The following ZNF704 variants were observed in gnomAD, a reference collection of about 807,000 sequenced individuals.
ZNF704 encodes zinc finger protein 704, also known as glucocorticoid induced gene 1.
Under a neutral mutation model 44.7 loss-of-function variants are expected in ZNF704, and 10 were observed. The observed-to-expected ratio is 0.22, with a 90% CI of 0.14 to 0.38. The LOEUF is 0.38. ZNF704 is among the 10% of genes least tolerant of loss of function. The pLI is 1.00. For missense variants in ZNF704, 390 were observed against 545.5 expected, an observed-to-expected ratio of 0.71 and a Z score of 2.84; for synonymous variants, 211 against 207.6, an observed-to-expected ratio of 1.02 and a Z score of -0.14.
At position 80,631,792 on chromosome 8, in the gene ZNF704, G is replaced by C. The variant is rs553400625; in HGVS notation, c.*9574C>G. ...TCACCTAAAACCGTTCAGACAGATG[G>C]AATATTTCCCCCGAAGGGAGGGAAT... On this transcript the variant is annotated 3_prime_UTR_variant, in exon 9 of 9. Coordinates refer to ENST00000327835, the MANE Select transcript of ZNF704 (RefSeq NM_001033723.3). 1 of 152,346 alleles carries C rather than the reference G, an allele frequency of 6.6e-6. No individual in the cohort carries two copies. The highest frequency in any genetic ancestry group is 2.4e-5 in the African/African-American group (1 of 41,572). The allele number at this position is 152,346 out of a possible 1,614,324, so 9.4% of individuals were successfully genotyped here.
At chr8:80,877,149 TG>T (rs1385011617), upstream of ZNF704, among the ~76,000 whole-genome samples, 1 of 129,058 alleles carries the variant, frequency 7.7e-6, no homozygotes, top group Non-Finnish European at 1.5e-5. Flanking sequence ...ATCCATTCCC[TG>T]GCCCCACATT....
chr8:80,771,906 T>C lies in ZNF704; in HGVS notation c.221+49468A>G, dbSNP rs1295456854. Among the ~76,000 whole-genome samples the C allele has an allele frequency of 2.0e-5, 3 of 152,230 alleles. 1 individual carries two copies. The highest frequency in any genetic ancestry group is 4.4e-5 in the Non-Finnish European group (3 of 68,036). On this transcript the variant is annotated intron_variant, in intron 2 of 8. Coordinates refer to ENST00000327835, the MANE Select transcript of ZNF704 (RefSeq NM_001033723.3). ...TTTTATCATGAATGGGTGTTGAATT[T>C]TGTCAAATGCTTTTCTGCAGTGATT... is the stretch of plus-strand genomic sequence containing the variant.
At position 80,640,472 on chromosome 8, in the gene ZNF704, A is replaced by T. The variant is rs781123350; in HGVS notation, c.*894T>A. The T allele has an allele frequency of 2.0e-5, 3 of 152,508 alleles. No homozygotes were observed. The highest frequency in any genetic ancestry group is 1.5e-5 in the Non-Finnish European group (1 of 68,032). The allele number at this position is 152,508 out of a possible 1,614,324, so 9.4% of individuals were successfully genotyped here. On this transcript the variant is annotated 3_prime_UTR_variant, in exon 9 of 9. Transcript: ENST00000327835. The stretch of plus-strand genomic sequence containing the variant: ...AATCTTGACAGACAAGCAGTAACAA[A>T]TAGCTCCGAGTTGCCATTTGTGTCA...
chr8:80,859,018 ACCAATT>A (rs1809014246), intron 1 of ZNF704, among the ~76,000 whole-genome samples: 2 of 152,202 alleles, frequency 1.3e-5, no homozygotes, highest in African/African-American at 4.8e-5. Context: ...ACTTTTTGTT[ACCAATT>A]CCATCAATAA....
chr8:80,651,493 CAA>C (rs1170243625), intron 7 of ZNF704, among the ~76,000 whole-genome samples: 5 of 151,700 alleles, frequency 3.3e-5, no homozygotes, highest in Non-Finnish European at 7.4e-5. Flanking sequence ...AAATGGAAAA[CAA>C]AAAAAGGCAG....
At chr8:80,691,581 C>T (rs1261981393) in intron 3 of ZNF704, among the ~76,000 whole-genome samples, 1 of 152,054 alleles carries the variant, frequency 6.6e-6, no homozygotes, top group Admixed American at 6.5e-5. Context: ...AGCTTCACTG[C>T]TTCCTTCCTC....
chr8:80,810,374 G>A (rs1037521527), intron 2 of ZNF704, among the ~76,000 whole-genome samples: 15 of 152,136 alleles, frequency 9.9e-5, no homozygotes, highest in African/African-American at 3.4e-4. Context: ...GTTTAAGCAA[G>A]TAACAAAATA....
intron 7 of ZNF704, among the ~76,000 whole-genome samples, chr8:80,657,406 C>T (rs1818032725): frequency 6.6e-6 from 1 of 152,110 alleles, no homozygotes; most frequent in Non-Finnish European, 1.5e-5. Context: ...AAATTAGAAG[C>T]TCTCAGCTGG....
At chr8:80,874,928 T>C (rs1452829015), upstream of ZNF704, 1 of 151,964 alleles carries the variant, frequency 6.6e-6, no homozygotes, top group Admixed American at 6.6e-5. The surrounding 1 kb of genome is among the most constrained non-coding windows in gnomAD (Gnocchi z 4.4). Context: ...GGCCCTGCGA[T>C]TGAGCTGCCT....
rs1477141198 is a variant in ZNF704 at position 80,874,716 on chromosome 8, T to G, written c.-167A>C. ...GTCTGTCAAAGTTAGACTTTGAACG[T>G]AGAGATTTGCTACAAGTCATTTTAA... On this transcript the variant is annotated 5_prime_UTR_variant, in exon 1 of 9. Coordinates refer to ENST00000327835, the MANE Select transcript of ZNF704 (RefSeq NM_001033723.3). The surrounding 1 kb of genome is among the most constrained non-coding windows in gnomAD (Gnocchi z 4.4). The G allele has an allele frequency of 2.6e-5, 4 of 152,184 alleles. No homozygotes were observed. The highest frequency in any genetic ancestry group is 6.5e-5 in the Admixed American group (1 of 15,290). The allele number at this position is 152,184 out of a possible 1,614,324, so 9.4% of individuals were successfully genotyped here. A position where few individuals can be genotyped will look rare whatever the true frequency, so the allele number is the denominator to read the frequency against.
intron 2 of ZNF704, among the ~76,000 whole-genome samples, chr8:80,803,961 A>C (rs1383875598): frequency 6.6e-6 from 1 of 152,100 alleles, no homozygotes; most frequent in African/African-American, 2.4e-5. Context: ...TATCCAGTTT[A>C]CAAGGAGCTC....
chr8:80,759,548 T>C (rs149761630), intron 2 of ZNF704, among the ~76,000 whole-genome samples: 25 of 152,306 alleles, frequency 1.6e-4, no homozygotes, highest in African/African-American at 6.0e-4. Context: ...GGGTTCCACC[T>C]TGCTGGCTCT....
At chr8:80,806,091 G>A (rs372396017) in intron 2 of ZNF704, among the ~76,000 whole-genome samples, 2 of 152,180 alleles carry the variant, frequency 1.3e-5, no homozygotes, top group South Asian at 2.1e-4. Flanking sequence ...TCTCAAACAA[G>A]AAGGAAGACT....
chr8:80,655,389 A>G (rs1403285347), intron 7 of ZNF704, among the ~76,000 whole-genome samples: 2 of 152,128 alleles, frequency 1.3e-5, no homozygotes, highest in Non-Finnish European at 2.9e-5. Context: ...AAAAAAAAAG[A>G]ATTTTAAATT....
chr8:80,646,156 T>G (rs1008364808), intron 7 of ZNF704, among the ~76,000 whole-genome samples: 18 of 152,234 alleles, frequency 1.2e-4, no homozygotes, highest in African/African-American at 4.1e-4. Flanking sequence ...TATTCTGTTA[T>G]AGCAGCACAA....
chr8:80,708,420 AGG>A (rs1818930067), intron 2 of ZNF704, among the ~76,000 whole-genome samples: 1 of 152,254 alleles, frequency 6.6e-6, no homozygotes, highest in South Asian at 2.1e-4. Flanking sequence ...GGATGAATAC[AGG>A]TTAGTAATGC....
Position 80,635,465 on chromosome 8 carries a change from TTA to T in ZNF704, c.*5899_*5900del, listed in dbSNP as rs1208608053. 6.6e-5 allele frequency: 10 copies of T among 152,164 alleles called. No homozygotes were observed. The highest frequency in any genetic ancestry group is 1.5e-5 in the Non-Finnish European group (1 of 68,030). The allele number at this position is 152,164 out of a possible 1,614,324, so 9.4% of individuals were successfully genotyped here. A position where few individuals can be genotyped will look rare whatever the true frequency, so the allele number is the denominator to read the frequency against. On this transcript the variant is annotated 3_prime_UTR_variant, in exon 9 of 9. Coordinates refer to ENST00000327835, the MANE Select transcript of ZNF704 (RefSeq NM_001033723.3). Reference sequence around the variant, plus strand: ...ACTTGTTCTTATGTAGAAATTACAGTTATATAGTTAGTGCTGAGGACAAAATT... The same window carrying T: ...ACTTGTTCTTATGTAGAAATTACAGTTATAGTTAGTGCTGAGGACAAAATT...
intron 1 of ZNF704, among the ~76,000 whole-genome samples, chr8:80,831,747 C>G (rs1035347568): frequency 6.6e-6 from 1 of 152,160 alleles, no homozygotes; most frequent in African/African-American, 2.4e-5. Context: ...GGGCTTCTCA[C>G]AGCTATAGGA....
At chr8:80,817,145 A>G (rs1007305466) in intron 2 of ZNF704, among the ~76,000 whole-genome samples, 5 of 152,194 alleles carry the variant, frequency 3.3e-5, no homozygotes, top group Non-Finnish European at 7.3e-5. Context: ...CTCAAAGGGC[A>G]GGGAGACTGG....
Sources: allele counts gnomAD v4.1 joint callset (sites outside exome capture counted in the v4.1 genomes callset), GRCh38; gene constraint gnomAD v4.1.1; non-coding constraint Gnocchi (gnomAD v3.1); transcripts MANE v1.5; gene names NCBI Gene and HGNC (gene_info 2026-07-23, HGNC 2026-07-21).